The following SPSB4 variants were observed in gnomAD, a reference collection of about 807,000 sequenced individuals.
SPSB4 encodes the protein splA/ryanodine receptor domain and SOCS box containing 4, also known as SPRY domain-containing SOCS box protein 4.
Under a neutral mutation model 20.9 loss-of-function variants are expected in SPSB4, and 21 were observed. The ratio of observed to expected loss-of-function variants is 1.01; its 90% CI spans 0.71 to 1.45. The LOEUF is 1.45. Among genes scored for constraint, SPSB4 ranks in the 40% most tolerant of loss-of-function variants. The probability of loss-of-function intolerance (pLI) is 0.00; values close to 1 mark genes in which losing one functional copy is unlikely to be tolerated. For missense variants in SPSB4, 399 were observed against 399.2 expected (o/e 1.00, Z 0.00); for synonymous variants, 207 against 183.8 (o/e 1.13, Z -1.02).
At chr3:141,119,629 G>A (rs1938932505) in intron 2 of SPSB4, among the ~76,000 whole-genome samples, 2 of 152,048 alleles carry the variant, frequency 1.3e-5, no homozygotes, top group Admixed American at 6.6e-5. Context: ...CTGTGGGTTT[G>A]TCATAAATAG....
chr3:141,080,103 A>C lies in SPSB4; in HGVS notation c.694+13305A>C, dbSNP rs1217218009. ...ACTGGGACAGGTCTCCCCGCTGCTA[A>C]AAAATGGCATGTTGTTGGAACTTTG... On this transcript the variant is annotated intron_variant, in intron 2 of 2. Transcript: ENST00000310546. Among the ~76,000 whole-genome samples, 3 of 152,236 alleles carry C rather than the reference A, an allele frequency of 2.0e-5. No individual in the cohort carries two copies. The East Asian group carries it at 5.8e-4, about 29-fold the overall frequency.
chr3:141,052,147 T>C (rs2107772105), intron 1 of SPSB4, among the ~76,000 whole-genome samples, 155 bp downstream of exon 1: 1 of 152,332 alleles, frequency 6.6e-6, no homozygotes, highest in Middle Eastern at 3.4e-3. Flanking sequence ...CAGTTCGAGA[T>C]GGTTGATTTG....
At chr3:141,052,669 G>A (rs1293119782) in intron 1 of SPSB4, among the ~76,000 whole-genome samples, 1 of 152,158 alleles carries the variant, frequency 6.6e-6, no homozygotes, top group Non-Finnish European at 1.5e-5. Flanking sequence ...GAGGCTGGTC[G>A]CCTGGCCCGA....
intron 2 of SPSB4, among the ~76,000 whole-genome samples, chr3:141,125,812 A>T (rs1176306858): frequency 1.3e-5 from 2 of 152,222 alleles, no homozygotes; most frequent in Non-Finnish European, 2.9e-5. Context: ...AAAACAGTTG[A>T]CTTTGTGACT....
intron 2 of SPSB4, among the ~76,000 whole-genome samples, chr3:141,068,679 A>T (rs527906045): frequency 1.3e-5 from 2 of 152,226 alleles, no homozygotes; most frequent in Non-Finnish European, 2.9e-5. Context: ...GGTAGCACCA[A>T]TAATATGGTA....
rs1937858446 is a variant in SPSB4, at chr3:141,066,003, G to A, written c.-102G>A. 3.6e-6 allele frequency: 4 copies of A among 1,125,518 alleles called. No homozygotes were observed. Among genetic ancestry groups the A allele is most frequent in the Non-Finnish European group, 4.8e-6 (4 of 837,990 alleles). The allele number at this position is 1,125,518 out of a possible 1,614,324, so 69.7% of individuals were successfully genotyped here. Reference sequence around the variant, plus strand: ...TAGAGGCTGTGGAGGTCTACCGTCCGGAAGCCTGGTTCCCAGCCCCGTGGC... The same window carrying A: ...TAGAGGCTGTGGAGGTCTACCGTCCAGAAGCCTGGTTCCCAGCCCCGTGGC... On this transcript the variant is annotated 5_prime_UTR_variant, in exon 2 of 3. Transcript: ENST00000310546.
intron 2 of SPSB4, among the ~76,000 whole-genome samples, chr3:141,104,820 AAT>A (rs1266213167): frequency 6.6e-6 from 1 of 152,220 alleles, no homozygotes; most frequent in African/African-American, 2.4e-5. Context: ...AGCTGGGAAA[AAT>A]AAAGCGTCAC....
intron 2 of SPSB4, among the ~76,000 whole-genome samples, chr3:141,079,425 G>A (rs1212450170): frequency 6.6e-6 from 1 of 152,160 alleles, no homozygotes; most frequent in Admixed American, 6.5e-5. Context: ...GCTACCAATA[G>A]TAAATTGAAA....
intron 2 of SPSB4, among the ~76,000 whole-genome samples, chr3:141,141,662 A>G (rs193228092): frequency 6.7e-4 from 102 of 152,302 alleles, no homozygotes; most frequent in Middle Eastern, 6.8e-3. Flanking sequence ...TCAGCTGTGA[A>G]TCCATCTGGT....
intron 1 of SPSB4, among the ~76,000 whole-genome samples, chr3:141,054,366 T>C (rs1045684104): frequency 2.0e-5 from 3 of 152,224 alleles, no homozygotes; most frequent in African/African-American, 7.2e-5. Context: ...ACTCTTGATT[T>C]ATGTGAACAT....
intron 2 of SPSB4, among the ~76,000 whole-genome samples, chr3:141,121,354 T>C (rs569740811): frequency 6.6e-6 from 1 of 152,336 alleles, no homozygotes; most frequent in South Asian, 2.1e-4. Flanking sequence ...ATTTTTTCCT[T>C]CATTTCAACC....
chr3:141,066,162 C>T lies in SPSB4; in HGVS notation c.58C>T (p.Arg20Trp), dbSNP rs752275911. Reference sequence around the variant, plus strand: ...AGTGGAGGTGCGAGAGCCGGCGCTGCGGCCGGCCAAGCGGGAGCTGCGGGG... The same window carrying T: ...AGTGGAGGTGCGAGAGCCGGCGCTGTGGCCGGCCAAGCGGGAGCTGCGGGG... ...KSVEVREPALRPAKRELRGAE... is the reference protein window; with the variant it reads ...KSVEVREPALWPAKRELRGAE... The change falls in exon 2 of 3, where the codon CGG becomes TGG. Residue 20 changes from arginine (R) to tryptophan (W), a missense_variant. Arg to Trp is a moderately radical substitution (Grantham distance 101). Transcript: ENST00000310546. 11 of 1,532,008 alleles carry T rather than the reference C, an allele frequency of 7.2e-6. No individual in the cohort carries two copies. In the South Asian group the frequency reaches 9.6e-5, roughly 13 times the overall value. 94.9% of individuals were successfully genotyped at this position (1,532,008 alleles called of 1,614,324 possible).
intron 1 of SPSB4, among the ~76,000 whole-genome samples, chr3:141,062,787 CCT>C (rs1236586790): frequency 3.9e-5 from 6 of 151,984 alleles, no homozygotes; most frequent in Admixed American, 3.9e-4. Context: ...TTGTTTGTGA[CCT>C]AATATACAGG....
intron 2 of SPSB4, among the ~76,000 whole-genome samples, chr3:141,135,950 G>T (rs1414143494): frequency 1.3e-5 from 2 of 152,170 alleles, no homozygotes; most frequent in African/African-American, 4.8e-5. Context: ...CTAGTTTACA[G>T]TCCCACCAAC....
chr3:141,129,854 C>T (rs1229381763), intron 2 of SPSB4, among the ~76,000 whole-genome samples: 3 of 152,272 alleles, frequency 2.0e-5, no homozygotes, highest in Non-Finnish European at 4.4e-5. Context: ...GTGCAACACT[C>T]CTCTGCACAA....
intron 2 of SPSB4, among the ~76,000 whole-genome samples, chr3:141,116,912 G>A (rs1938888092): frequency 6.6e-6 from 1 of 152,180 alleles, no homozygotes; most frequent in Non-Finnish European, 1.5e-5. Flanking sequence ...CTGAAGAGTG[G>A]AGCAGGCTGA....
At chr3:141,104,103 C>T (rs1419656246) in intron 2 of SPSB4, among the ~76,000 whole-genome samples, 1 of 152,162 alleles carries the variant, frequency 6.6e-6, no homozygotes, top group Non-Finnish European at 1.5e-5. Context: ...TATAAAGCAG[C>T]CCCTAGAAGG....
At chr3:141,107,339 G>A (rs1376738579) in intron 2 of SPSB4, among the ~76,000 whole-genome samples, 2 of 152,108 alleles carry the variant, frequency 1.3e-5, no homozygotes, top group African/African-American at 4.8e-5. Flanking sequence ...TGGTAATGTC[G>A]CTTCATTCAC....
chr3:141,084,675 C>T (rs546579148), intron 2 of SPSB4, among the ~76,000 whole-genome samples: 22 of 152,314 alleles, frequency 1.4e-4, no homozygotes, highest in African/African-American at 4.6e-4. Flanking sequence ...TGTTATGGCA[C>T]AGGCATTAAC....
Sources: gnomAD v4.1 joint callset for allele counts (sites outside exome capture counted in the v4.1 genomes callset) on GRCh38, gnomAD v4.1.1 for gene constraint, MANE v1.5 for transcripts, NCBI Gene and HGNC (gene_info 2026-07-23, HGNC 2026-07-21) for gene names.